The following RBFOX1 variants were observed in gnomAD, a reference collection of about 807,000 sequenced individuals.
RBFOX1 encodes RNA binding protein fox-1 homolog 1.
In RBFOX1, 8 loss-of-function variants were observed where a neutral mutation model predicts 57.7. The ratio of observed to expected loss-of-function variants is 0.14; its 90% CI spans 0.08 to 0.25. RBFOX1 has a LOEUF of 0.25. Ranked by LOEUF, RBFOX1 falls within the 10% of genes least tolerant of loss-of-function variation. The pLI, the probability that RBFOX1 is intolerant of heterozygous loss-of-function variation, is 1.00. For missense variants in RBFOX1, 611 were observed against 548.5 expected (o/e 1.11, Z -1.14); for synonymous variants, 326 against 222.4 (o/e 1.47, Z -4.15).
At chr16:7,003,894 GTGGGTCAATGAAA>G (rs2093060440) in intron 3 of RBFOX1, 1 of 151,938 alleles carries the variant, frequency 6.6e-6, no homozygotes, top group Admixed American at 6.6e-5. Flanking sequence ...TTGGCTTTCA[GTGGGTCAATGAAA>G]TGGTCATTAG....
chr16:5,706,558 A>T (rs1274656992), intron 3 of RBFOX1, among the ~76,000 whole-genome samples: 1 of 152,134 alleles, frequency 6.6e-6, no homozygotes, highest in Non-Finnish European at 1.5e-5. Flanking sequence ...TGTTTTTAAA[A>T]CTTTGGACTA....
At chr16:6,307,528 TATC>T (rs1037457590) in intron 1 of RBFOX1, among the ~76,000 whole-genome samples, 2 of 136,286 alleles carry the variant, frequency 1.5e-5, no homozygotes, top group African/African-American at 5.3e-5. Flanking sequence ...CATTATATAA[TATC>T]ATTTAATATA....
chr16:6,835,256 C>T (rs1338592321), intron 3 of RBFOX1, among the ~76,000 whole-genome samples: 2 of 152,094 alleles, frequency 1.3e-5, no homozygotes, highest in Non-Finnish European at 2.9e-5. Context: ...GACTAAGATC[C>T]ACAAACACAG....
intron 3 of RBFOX1, chr16:6,723,839 G>A (rs1396401845): frequency 6.6e-6 from 1 of 151,948 alleles, no homozygotes; most frequent in Non-Finnish European, 1.5e-5. Context: ...TGACCTGTAT[G>A]TTCTGCACGA....
intron 4 of RBFOX1, among the ~76,000 whole-genome samples, chr16:7,198,023 T>TC (rs60343739): frequency 1.4e-5 from 2 of 145,230 alleles, no homozygotes; most frequent in African/African-American, 2.6e-5. Context: ...TTTTTTTTTT[T>TC]GAGACGGAGT....
At chr16:7,683,373 C>G (rs1481450337) in intron 14 of RBFOX1, among the ~76,000 whole-genome samples, 5 of 151,838 alleles carry the variant, frequency 3.3e-5, no homozygotes, top group African/African-American at 9.6e-5. Flanking sequence ...ATGTGTTCAA[C>G]TTTCTCTCTC....
intron 3 of RBFOX1, among the ~76,000 whole-genome samples, chr16:6,656,587 A>C (rs2098654067): frequency 7.6e-6 from 1 of 131,914 alleles, no homozygotes; most frequent in Non-Finnish European, 1.6e-5. Context: ...CTTCTCAAGA[A>C]AGGGGAAAAT....
At chr16:7,115,582 A>T (rs1237420150) in intron 4 of RBFOX1, among the ~76,000 whole-genome samples, 1 of 152,124 alleles carries the variant, frequency 6.6e-6, no homozygotes, top group Non-Finnish European at 1.5e-5. Context: ...AGCAGGCTGG[A>T]AGTTTGCTGC....
intron 4 of RBFOX1, among the ~76,000 whole-genome samples, chr16:7,130,466 A>G (rs904295126): frequency 2.0e-5 from 3 of 152,194 alleles, no homozygotes; most frequent in African/African-American, 7.2e-5. Context: ...GGCAAAAGTG[A>G]TCATCTCTGT....
chr16:7,533,117 T>C (rs1601107926), intron 5 of RBFOX1, among the ~76,000 whole-genome samples: 1 of 152,250 alleles, frequency 6.6e-6, no homozygotes, highest in African/African-American at 2.4e-5. Flanking sequence ...TGTAGGGTTT[T>C]ACCAAGTGTA....
At chr16:6,863,691 A>G (rs2142798668) in intron 3 of RBFOX1, among the ~76,000 whole-genome samples, 1 of 146,618 alleles carries the variant, frequency 6.8e-6, no homozygotes, top group South Asian at 2.2e-4. Flanking sequence ...AAAGAAAAAA[A>G]GAAATGACCG....
intron 7 of RBFOX1, among the ~76,000 whole-genome samples, chr16:7,592,821 G>A (rs1304862433): frequency 2.0e-5 from 3 of 152,086 alleles, no homozygotes; most frequent in African/African-American, 7.2e-5. Flanking sequence ...TATTACAAAG[G>A]ATGAAAACCT....
intron 4 of RBFOX1, among the ~76,000 whole-genome samples, chr16:7,500,565 A>T (rs1346416701): frequency 6.6e-6 from 1 of 152,302 alleles, no homozygotes; most frequent in East Asian, 1.9e-4. Context: ...TATGGATGAA[A>T]ATATCTTAGG....
intron 4 of RBFOX1, among the ~76,000 whole-genome samples, chr16:7,488,861 TC>T (rs2066151648): frequency 6.6e-6 from 1 of 152,204 alleles, no homozygotes; most frequent in Non-Finnish European, 1.5e-5. Flanking sequence ...ATCTATACAT[TC>T]ATCCCCTACT....
intron 3 of RBFOX1, among the ~76,000 whole-genome samples, chr16:6,901,766 A>T (rs2068558361): frequency 6.6e-6 from 1 of 152,158 alleles, no homozygotes; most frequent in Non-Finnish European, 1.5e-5. Flanking sequence ...AGAGATTAAC[A>T]CTCATAGATG....
chr16:5,820,392 AG>A (rs1261161378), intron 3 of RBFOX1, among the ~76,000 whole-genome samples: 1 of 152,118 alleles, frequency 6.6e-6, no homozygotes, highest in Non-Finnish European at 1.5e-5. Flanking sequence ...ATTGGAGAAG[AG>A]GTGGGGTGAG....
chr16:5,903,672 T>C (rs995787699), intron 4 of RBFOX1, among the ~76,000 whole-genome samples: 56 of 152,220 alleles, frequency 3.7e-4, no homozygotes, highest in African/African-American at 1.3e-3. Context: ...GCACCTCTAA[T>C]AGTAAAATTT....
chr16:5,595,273 C>G (rs923193005), intron 2 of RBFOX1, among the ~76,000 whole-genome samples: 3 of 152,186 alleles, frequency 2.0e-5, no homozygotes, highest in Non-Finnish European at 4.4e-5. Flanking sequence ...CAGCCCATGA[C>G]AAATCTGTAT....
intron 1 of RBFOX1, among the ~76,000 whole-genome samples, chr16:5,261,620 G>C (rs796713643): frequency 3.5e-5 from 5 of 144,234 alleles, no homozygotes; most frequent in African/African-American, 1.3e-4. Context: ...TGTGATCCCA[G>C]CTCACTGCAA....
Sources: gnomAD v4.1 joint callset for allele counts (sites outside exome capture counted in the v4.1 genomes callset) on GRCh38, gnomAD v4.1.1 for gene constraint, MANE v1.5 for transcripts, NCBI Gene and HGNC (gene_info 2026-07-23, HGNC 2026-07-21) for gene names.